NYAP1: variants seen among roughly 807,000 people sequenced by gnomAD.
The protein encoded by NYAP1 is neuronal tyrosine-phosphorylated phosphoinositide-3-kinase adapter 1.
Under a neutral mutation model 58.6 loss-of-function variants are expected in NYAP1, and 20 were observed. That is an observed-to-expected ratio of 0.34 (90% CI 0.24 to 0.50). NYAP1 has a LOEUF of 0.50. NYAP1 is among the 20% of genes least tolerant of loss of function. The pLI is 0.98. For missense variants in NYAP1, 1,150 were observed against 1,194.5 expected, an observed-to-expected ratio of 0.96 and a Z score of 0.55; for synonymous variants, 572 against 523.1, an observed-to-expected ratio of 1.09 and a Z score of -1.27.
At chr7:100,492,857 C>T (rs1799814326) in intron 6 of NYAP1, among the ~76,000 whole-genome samples, 1 of 151,856 alleles carries the variant, frequency 6.6e-6, no homozygotes, top group South Asian at 2.1e-4. Flanking sequence ...CATGGTCGTT[C>T]CACTGCACTC....
Position 100,493,776 on chromosome 7 carries a change from A to AC in NYAP1, c.2401dup (p.Arg801ProfsTer108), listed in dbSNP as rs1468572559. Reference sequence around the variant, plus strand: ...GAGATCAAGGCGCGCCACCGCCCGGACCGAGGCCTCTGCAAGCAGGAGAGC... The same window carrying AC: ...GAGATCAAGGCGCGCCACCGCCCGGACCCGAGGCCTCTGCAAGCAGGAGAGC... On this transcript the variant is annotated frameshift_variant, in exon 7 of 7. Coordinates refer to ENST00000300179, the MANE Select transcript of NYAP1 (RefSeq NM_173564.4). LOFTEE classifies it high-confidence loss of function. 1 of 1,605,572 alleles carries AC rather than the reference A, an allele frequency of 6.2e-7. No individual in the cohort carries two copies. Among genetic ancestry groups the AC allele is most frequent in the Non-Finnish European group, 8.5e-7 (1 of 1,178,326 alleles).
rs1468295087 is a variant in NYAP1, at chr7:100,491,091, G to A, written c.2264G>A (p.Ser755Asn). 2 of 1,544,668 alleles carry A rather than the reference G, an allele frequency of 1.3e-6. No homozygotes were observed. ...TGCAGCCAGCCCAGGGATGCCCTGA[G>A]CCAGGTGAGGCTTGGTTTTTCTTTT... ...RPCSQPRDAL[S>N]QPHPALPLPL... The change falls in exon 6 of 7, where the codon AGC becomes AAC. Residue 755 changes from serine (S) to asparagine (N), a missense_variant. Ser to Asn is a conservative substitution (Grantham distance 46). Coordinates refer to ENST00000300179, the MANE Select transcript of NYAP1 (RefSeq NM_173564.4).
Position 100,488,611 on chromosome 7 carries a change from C to G in NYAP1, c.890C>G (p.Pro297Arg). ...CCACAACAGCCTCACGCCCTTCCGC[C>G]CCATGCCCACCGCCGCCCAGCTTCA... is the stretch of plus-strand genomic sequence containing the variant. ...SPPQQPHALP[P>R]HAHRRPASAL... The change falls in exon 4 of 7, where the codon CCC (proline) becomes CGC (arginine). Residue 297 changes from proline to arginine, a missense_variant. By Grantham distance (103) the Pro-to-Arg change is moderately radical (BLOSUM62 -2). Transcript: ENST00000300179. This position sits in a 1 kb window ranked among gnomAD's most constrained non-coding sequence, Gnocchi z 5.9. 1 of 1,610,874 alleles carries G rather than the reference C, an allele frequency of 6.2e-7. No individual in the cohort carries two copies. The highest frequency in any genetic ancestry group is 8.5e-7 in the Non-Finnish European group (1 of 1,178,922).
chr7:100,484,891 C>G (rs971370232), intron 1 of NYAP1, among the ~76,000 whole-genome samples: 1 of 151,916 alleles, frequency 6.6e-6, no homozygotes, highest in African/African-American at 2.4e-5. Context: ...TCGGTGGCTC[C>G]GTGGTTTGTG....
Position 100,490,129 on chromosome 7 carries a change from C to T in NYAP1, c.1946-388C>T, listed in dbSNP as rs1799776426. Among the ~76,000 whole-genome samples, 3 of 152,118 alleles carry T rather than the reference C, an allele frequency of 2.0e-5. No homozygotes were observed. Among genetic ancestry groups the T allele is most frequent in the Non-Finnish European group, 2.9e-5 (2 of 68,006 alleles). On this transcript the variant is annotated intron_variant, in intron 4 of 6. Coordinates refer to ENST00000300179, the MANE Select transcript of NYAP1 (RefSeq NM_173564.4). The surrounding 1 kb of genome is among the most constrained non-coding windows in gnomAD (Gnocchi z 4.6). ...GTTCACAGGCAGCCCTTCCCCCCAG[C>T]GCTCCCCCTTCTGGGCTCAGGAATT...
rs369709149 is a variant in NYAP1, at chr7:100,489,116, G to A, written c.1395G>A (p.Ser465=). Residue 465 remains serine, a synonymous_variant, in exon 4 of 7, where the codon TCG becomes TCA. Transcript: ENST00000300179. The stretch of plus-strand genomic sequence containing the variant: ...CCGTGTCTTACACCATGGTGTACTC[G>A]GCGGTCAAGGTGACCACGCACTCTG... ...DKAVSYTMVY[S]AVKVTTHSVL... 20 of 1,591,262 alleles carry A rather than the reference G, an allele frequency of 1.3e-5. No homozygotes were observed. Among genetic ancestry groups the A allele is most frequent in the Middle Eastern group, 3.3e-4 (2 of 6,056 alleles).
rs1435378331 is a variant in NYAP1, at chr7:100,487,783, A to G, written c.431-369A>G. Among the ~76,000 whole-genome samples the G allele has an allele frequency of 2.0e-5, 3 of 152,196 alleles. No individual in the cohort carries two copies. Among genetic ancestry groups the G allele is most frequent in the Non-Finnish European group, 4.4e-5 (3 of 68,044 alleles). ...CGGCCTCCCAGAGTGCTGGGATTAC[A>G]GGCGTGAGCCACTGTGCTTGGCCAA... On this transcript the variant is annotated intron_variant, in intron 3 of 6. Coordinates refer to ENST00000300179, the MANE Select transcript of NYAP1 (RefSeq NM_173564.4). This position sits in a 1 kb window ranked among gnomAD's most constrained non-coding sequence, Gnocchi z 4.1.
chr7:100,486,261 C>T lies in NYAP1; in HGVS notation c.69-560C>T, dbSNP rs778700241. Reference sequence around the variant, plus strand: ...ACAGTGGAATGGAATGGGGGTGAGCCGGGGAGGCTGACAGAGAGAGAACAG... The same window carrying T: ...ACAGTGGAATGGAATGGGGGTGAGCTGGGGAGGCTGACAGAGAGAGAACAG... On this transcript the variant is annotated intron_variant, in intron 2 of 6. Coordinates refer to ENST00000300179, the MANE Select transcript of NYAP1 (RefSeq NM_173564.4). This position sits in a 1 kb window ranked among gnomAD's most constrained non-coding sequence, Gnocchi z 6.2. Among the ~76,000 whole-genome samples, 4 of 151,930 alleles carry T rather than the reference C, an allele frequency of 2.6e-5. No homozygotes were observed. The highest frequency in any genetic ancestry group is 4.8e-5 in the African/African-American group (2 of 41,336).
At chr7:100,491,601 G>GAA (rs113578533) in intron 6 of NYAP1, among the ~76,000 whole-genome samples, 3 of 139,224 alleles carry the variant, frequency 2.2e-5, no homozygotes, top group African/African-American at 7.8e-5. Context: ...TGTCTTAGAA[G>GAA]AAAAAAAAAA....
In NYAP1 at chr7:100,486,945, G is replaced by A. The variant is rs1461380024; in HGVS notation, c.193G>A (p.Ala65Thr). 26 of 1,603,908 alleles carry A rather than the reference G, an allele frequency of 1.6e-5. No individual in the cohort carries two copies. Among genetic ancestry groups the A allele is most frequent in the East Asian group, 4.5e-5 (2 of 44,582 alleles). The change falls in exon 3 of 7, where the codon GCC becomes ACC. Residue 65 changes from alanine (A) to threonine (T), a missense_variant. Coordinates refer to ENST00000300179, the MANE Select transcript of NYAP1 (RefSeq NM_173564.4). This position sits in a 1 kb window ranked among gnomAD's most constrained non-coding sequence, Gnocchi z 6.2. ...SLRMGFMTMPASQEHTPHPCR... is the reference protein window; with the variant it reads ...SLRMGFMTMPTSQEHTPHPCR... ...CAGGATGGGTTTCATGACGATGCCC[G>A]CCTCCCAGGAGCACACCCCGCACCC...
In NYAP1 at chr7:100,489,569, G is replaced by A. The variant is rs150286597; in HGVS notation, c.1848G>A (p.Glu616=). Residue 616 remains glutamate (E), a synonymous_variant, in exon 4 of 7, where the codon GAG becomes GAA. Coordinates refer to ENST00000300179, the MANE Select transcript of NYAP1 (RefSeq NM_173564.4). The part of the protein sequence containing the change: ...AHVIASAGTP[E]EEEEEVGAAT... Reference sequence around the variant, plus strand: ...TCATCGCCAGCGCAGGGACACCAGAGGAGGAAGAAGAGGAGGTGGGCGCCG... The same window carrying A: ...TCATCGCCAGCGCAGGGACACCAGAAGAGGAAGAAGAGGAGGTGGGCGCCG... 7.0e-5 allele frequency: 113 copies of A among 1,613,242 alleles called. No individual in the cohort carries two copies. Among genetic ancestry groups the A allele is most frequent in the Non-Finnish European group, 9.5e-5 (112 of 1,179,988 alleles).
At chr7:100,484,942 G>A (rs1255403134) in intron 1 of NYAP1, among the ~76,000 whole-genome samples, 1 of 152,064 alleles carries the variant, frequency 6.6e-6, no homozygotes, top group Non-Finnish European at 1.5e-5. Context: ...GTTGCAGTCC[G>A]TTTGTGGGGC....
chr7:100,490,495 G>C lies in NYAP1; in HGVS notation c.1946-22G>C, dbSNP rs1473509028. On this transcript the variant is annotated intron_variant, in intron 4 of 6. Transcript: ENST00000300179. This position sits in a 1 kb window ranked among gnomAD's most constrained non-coding sequence, Gnocchi z 4.6. ...GACGCCTCCAACATGCAGGCACACA[G>C]CTCTCCTTGTCATCCCAGCAGAGGT... 6.4e-7 allele frequency: 1 copy of C among 1,561,804 alleles called. No homozygotes were observed. Among genetic ancestry groups the C allele is most frequent in the Non-Finnish European group, 8.7e-7 (1 of 1,151,752 alleles).
Position 100,487,282 on chromosome 7 carries a change from C to A in NYAP1, c.430+100C>A. ...CCGGGAGGGTTCATTCAGGGAAGAA[C>A]CAAGGAAGTGGAAGATTCCATTCTC... On this transcript the variant is annotated intron_variant, in intron 3 of 6. Transcript: ENST00000300179. This position sits in a 1 kb window ranked among gnomAD's most constrained non-coding sequence, Gnocchi z 4.1. The A allele has an allele frequency of 8.0e-7, 1 of 1,256,320 alleles. No homozygotes were observed. Among genetic ancestry groups the A allele is most frequent in the Non-Finnish European group, 1.1e-6 (1 of 947,574 alleles). 77.8% of individuals were successfully genotyped at this position (1,256,320 alleles called of 1,614,324 possible).
In NYAP1 at chr7:100,493,638, C is replaced by T; in HGVS notation, c.2269-8C>T. 1.3e-6 allele frequency: 2 copies of T among 1,563,664 alleles called. No individual in the cohort carries two copies. The highest frequency in any genetic ancestry group is 1.7e-6 in the Non-Finnish European group (2 of 1,162,954). ...CGCGTTTTCCTTTCTCCCCCGCCCGCGGCACAGCCCCACCCCGCGCTGCCG... is the reference window on the plus strand; with the variant it reads ...CGCGTTTTCCTTTCTCCCCCGCCCGTGGCACAGCCCCACCCCGCGCTGCCG... On this transcript the variant is annotated splice_polypyrimidine_tract_variant and splice_region_variant and intron_variant, in intron 6 of 6. Transcript: ENST00000300179.
rs1799704780 is a variant in NYAP1, at chr7:100,486,551, T to G, written c.69-270T>G. On this transcript the variant is annotated intron_variant, in intron 2 of 6. Coordinates refer to ENST00000300179, the MANE Select transcript of NYAP1 (RefSeq NM_173564.4). The surrounding 1 kb of genome is among the most constrained non-coding windows in gnomAD (Gnocchi z 6.2). The stretch of plus-strand genomic sequence containing the variant: ...AGGCTGTCCACACAGGTGCCCAGGC[T>G]GGGATCCGCCAGCCCCAGGGATGCT... Among the ~76,000 whole-genome samples the G allele has an allele frequency of 2.6e-5, 4 of 152,064 alleles. No homozygotes were observed. Among genetic ancestry groups the G allele is most frequent in the Non-Finnish European group, 4.4e-5 (3 of 67,980 alleles).
At chr7:100,491,939 C>T (rs183585640) in intron 6 of NYAP1, among the ~76,000 whole-genome samples, 46 of 152,098 alleles carry the variant, frequency 3.0e-4, no homozygotes, top group African/African-American at 9.9e-4. Flanking sequence ...CCCAGCTACT[C>T]GGGAGGCAGA....
rs565024282 is a variant in NYAP1 at position 100,485,454 on chromosome 7, C to T, written c.68+75C>T. ...CCCCTCACTGGGCCACAGCCCTTCT[C>T]GGGGGCCGGCAGCCTTGTCATGAGT... On this transcript the variant is annotated intron_variant, in intron 2 of 6. Transcript: ENST00000300179. The surrounding 1 kb of genome is among the most constrained non-coding windows in gnomAD (Gnocchi z 5.7). 49 of 1,199,060 alleles carry T rather than the reference C, an allele frequency of 4.1e-5. No individual in the cohort carries two copies. The highest frequency in any genetic ancestry group is 8.6e-5 in the Admixed American group (4 of 46,314). The allele number at this position is 1,199,060 out of a possible 1,614,324, so 74.3% of individuals were successfully genotyped here.
Position 100,485,250 on chromosome 7 carries a change from C to G in NYAP1, c.-62C>G. 1 of 1,010,196 alleles carries G rather than the reference C, an allele frequency of 9.9e-7. No individual in the cohort carries two copies. The highest frequency in any genetic ancestry group is 2.6e-5 in the East Asian group (1 of 38,032). The allele number at this position is 1,010,196 out of a possible 1,614,324, so 62.6% of individuals were successfully genotyped here. A position where few individuals can be genotyped will look rare whatever the true frequency, so the allele number is the denominator to read the frequency against. ...CAGTGGATCCGGGACCCAGGGAGGG[C>G]CGCCCCCCGGGCCTGGTGGCACTGA... On this transcript the variant is annotated 5_prime_UTR_variant, in exon 2 of 7. Coordinates refer to ENST00000300179, the MANE Select transcript of NYAP1 (RefSeq NM_173564.4). The surrounding 1 kb of genome is among the most constrained non-coding windows in gnomAD (Gnocchi z 5.7).
Sources: allele counts gnomAD v4.1 joint callset (sites outside exome capture counted in the v4.1 genomes callset), GRCh38; gene constraint gnomAD v4.1.1; non-coding constraint Gnocchi (gnomAD v3.1); transcripts MANE v1.5; gene names NCBI Gene and HGNC (gene_info 2026-07-23, HGNC 2026-07-21).